Variants in SGSM1 observed in about 807,000 individuals in gnomAD.
The protein encoded by SGSM1 is RUN and TBC1 domain containing 2.
SGSM1 carries 73 observed loss-of-function variants against 133.8 expected under a neutral mutation model. The observed-to-expected ratio is 0.55, with a 90% CI of 0.45 to 0.66. The LOEUF is 0.66. Among genes scored for constraint, SGSM1 ranks in the 30% least tolerant of loss-of-function variants. The pLI is 0.00. For synonymous variants in SGSM1, 563 were observed against 573.0 expected (o/e 0.98, Z 0.25); for missense variants, 1,213 against 1,448.1 (o/e 0.84, Z 2.64).
chr22:24,886,140 G>A (rs1204593448), intron 15 of SGSM1, among the ~76,000 whole-genome samples: 3 of 152,090 alleles, frequency 2.0e-5, no homozygotes, highest in African/African-American at 7.2e-5. Context: ...ACTTTGGGAG[G>A]CCAAGGAGGG....
chr22:24,834,244 A>C (rs1929295641), intron 2 of SGSM1, among the ~76,000 whole-genome samples: 1 of 152,170 alleles, frequency 6.6e-6, no homozygotes, highest in Non-Finnish European at 1.5e-5. Context: ...ACTGCAGACC[A>C]CCTAAGTAGG....
intron 2 of SGSM1, among the ~76,000 whole-genome samples, chr22:24,807,888 C>CGTGT (rs71189301): frequency 0.031 from 4,641 of 147,730 alleles, 185 homozygotes; most frequent in African/African-American, 0.096. Flanking sequence ...TATGTGCCTG[C>CGTGT]GTGTGTGTGT....
chr22:24,881,833 G>C (rs1932350168), intron 14 of SGSM1, among the ~76,000 whole-genome samples: 1 of 152,146 alleles, frequency 6.6e-6, no homozygotes, highest in African/African-American at 2.4e-5. Flanking sequence ...GAAGGAAGGG[G>C]CACAGCCAGA....
At chr22:24,903,098 A>G (rs1377615595) in intron 20 of SGSM1, among the ~76,000 whole-genome samples, 2 of 152,184 alleles carry the variant, frequency 1.3e-5, no homozygotes, top group Non-Finnish European at 2.9e-5. Flanking sequence ...TAGAAAGAGA[A>G]ACTTCTCCCT....
At chr22:24,857,631 T>C (rs1930884973) in intron 8 of SGSM1, among the ~76,000 whole-genome samples, 1 of 152,222 alleles carries the variant, frequency 6.6e-6, no homozygotes, top group East Asian at 1.9e-4. Flanking sequence ...TTCAAACTTC[T>C]TCCAGTTCAG....
chr22:24,816,980 G>A (rs1379449319), intron 2 of SGSM1, among the ~76,000 whole-genome samples: 1 of 152,222 alleles, frequency 6.6e-6, no homozygotes, highest in Non-Finnish European at 1.5e-5. Flanking sequence ...GCCAGTCACA[G>A]TGGGATGGAT....
chr22:24,898,308 C>G lies in SGSM1; in HGVS notation c.2359C>G (p.Leu787Val). Residue 787 changes from leucine (L) to valine (V), a missense_variant, in exon 19 of 25, where the codon CTG becomes GTG. By Grantham distance (32) the Leu-to-Val change is conservative (BLOSUM62 1). Transcript: ENST00000400358. ...GCAGGACAGCCTGGAGAGTGACCTCCTGGCCAACGAGAGCATGGACGAGTT... is the reference window on the plus strand; with the variant it reads ...GCAGGACAGCCTGGAGAGTGACCTCGTGGCCAACGAGAGCATGGACGAGTT... Reference protein sequence around the residue: ...AVQDSLESDLLANESMDEFMS... With the variant: ...AVQDSLESDLVANESMDEFMS... 1 of 1,613,960 alleles carries G rather than the reference C, an allele frequency of 6.2e-7. No individual in the cohort carries two copies. The highest frequency in any genetic ancestry group is 1.3e-5 in the African/African-American group (1 of 75,036).
chr22:24,862,406 A>G (rs575663063), intron 9 of SGSM1, among the ~76,000 whole-genome samples: 1 of 152,128 alleles, frequency 6.6e-6, no homozygotes, highest in Admixed American at 6.5e-5. Context: ...TCTCCATTGT[A>G]GCATTTAGAA....
At chr22:24,868,664 A>G in intron 11 of SGSM1, 59 bp from the exon 12 acceptor site, 2 of 1,609,424 alleles carry the variant, frequency 1.2e-6, no homozygotes, top group East Asian at 4.5e-5. Context: ...CCCTCAGACT[A>G]AGCAAGTTGT....
At chr22:24,877,802 CTTTTTTTTTTTTTTT>C (rs36036968) in intron 13 of SGSM1, among the ~76,000 whole-genome samples, 1 of 75,450 alleles carries the variant, frequency 1.3e-5, no homozygotes, top group African/African-American at 5.3e-5. Context: ...TTCTTTCTTT[CTTTTTTTTTTTTTTT>C]TTTTTTTTTT....
chr22:24,841,134 G>A (rs961263802), intron 2 of SGSM1, among the ~76,000 whole-genome samples: 4 of 152,234 alleles, frequency 2.6e-5, no homozygotes, highest in Non-Finnish European at 5.9e-5. Context: ...ACAGGCGTGA[G>A]CCACCGTGCC....
chr22:24,819,339 G>A (rs1928331983), intron 2 of SGSM1, among the ~76,000 whole-genome samples: 1 of 152,108 alleles, frequency 6.6e-6, no homozygotes, highest in Admixed American at 6.5e-5. Context: ...TATTTCAAGC[G>A]CCCAGTAGCC....
chr22:24,841,250 T>C (rs1929793078), intron 2 of SGSM1, among the ~76,000 whole-genome samples: 2 of 152,260 alleles, frequency 1.3e-5, no homozygotes, highest in South Asian at 4.1e-4. Flanking sequence ...ATGACTCTTA[T>C]TTGTGGGTTT....
chr22:24,870,606 T>C (rs1230417164), intron 12 of SGSM1, among the ~76,000 whole-genome samples: 1 of 152,198 alleles, frequency 6.6e-6, no homozygotes, highest in African/African-American at 2.4e-5. Flanking sequence ...GCATTTCCCA[T>C]TCTGTGCATG....
At chr22:24,887,125 G>GTGTGTGTGTGTA (rs1932655015) in intron 16 of SGSM1, among the ~76,000 whole-genome samples, 1 of 149,580 alleles carries the variant, frequency 6.7e-6, no homozygotes, top group South Asian at 2.1e-4. Context: ...GTGTGTGTGT[G>GTGTGTGTGTGTA]TGTGTGTGTG....
intron 14 of SGSM1, among the ~76,000 whole-genome samples, chr22:24,882,906 C>CTT (rs1250395242): frequency 7.2e-6 from 1 of 139,286 alleles, no homozygotes; most frequent in Non-Finnish European, 1.6e-5. Context: ...TTTTTTCTTT[C>CTT]TTTTTTTTTG....
intron 14 of SGSM1, among the ~76,000 whole-genome samples, chr22:24,882,574 A>G (rs1010296791): frequency 6.6e-6 from 1 of 152,180 alleles, no homozygotes; most frequent in African/African-American, 2.4e-5. Context: ...ATTATTAACT[A>G]TAATTTCCCC....
At chr22:24,901,784 A>T in intron 19 of SGSM1, 49 bp from the exon 20 acceptor site, 1 of 1,596,490 alleles carries the variant, frequency 6.3e-7, no homozygotes, top group Non-Finnish European at 8.5e-7. Context: ...GGGGACTTAG[A>T]TGTGATTTTT....
intron 21 of SGSM1, among the ~76,000 whole-genome samples, chr22:24,908,894 T>TATGCAAATGGCC (rs1933512821): frequency 6.6e-6 from 1 of 152,004 alleles, no homozygotes; most frequent in African/African-American, 2.4e-5. Context: ...TGCAAATGGC[T>TATGCAAATGGCC]AATATGCAAA....
Sources: gnomAD v4.1 joint callset for allele counts (sites outside exome capture counted in the v4.1 genomes callset) on GRCh38, gnomAD v4.1.1 for gene constraint, MANE v1.5 for transcripts, NCBI Gene and HGNC (gene_info 2026-07-23, HGNC 2026-07-21) for gene names.